The following SLC35F1 variants were observed in gnomAD, a reference collection of about 807,000 sequenced individuals.
The protein encoded by SLC35F1 is chromosome 6 open reading frame 169.
Under a neutral mutation model 48.7 loss-of-function variants are expected in SLC35F1, and 14 were observed. That is an observed-to-expected ratio of 0.29 (90% CI 0.19 to 0.45). The LOEUF (loss-of-function observed/expected upper bound fraction) is 0.45. Ranked by LOEUF, SLC35F1 falls within the 20% of genes least tolerant of loss-of-function variation. SLC35F1 has a pLI of 1.00. For synonymous variants in SLC35F1, 190 were observed against 202.2 expected (o/e 0.94, Z 0.51); for missense variants, 404 against 500.0 (o/e 0.81, Z 1.83).
chr6:118,197,175 T>A (rs1369770375), intron 2 of SLC35F1, among the ~76,000 whole-genome samples: 1 of 152,184 alleles, frequency 6.6e-6, no homozygotes, highest in African/African-American at 2.4e-5. Context: ...TGCCTAGCAA[T>A]TGAATCAGCT....
At chr6:118,279,038 A>G (rs557079633) in intron 6 of SLC35F1, among the ~76,000 whole-genome samples, 128 of 152,366 alleles carry the variant, frequency 8.4e-4, no homozygotes, top group Middle Eastern at 3.4e-3. Flanking sequence ...AACACATTAC[A>G]GAGCCATCCA....
chr6:118,254,013 G>A (rs1281139545), intron 3 of SLC35F1, among the ~76,000 whole-genome samples: 1 of 151,968 alleles, frequency 6.6e-6, no homozygotes, highest in African/African-American at 2.4e-5. Context: ...TGGGATAGCT[G>A]CTGGAGCAAA....
Position 118,290,616 on chromosome 6 carries a change from G to A in SLC35F1, c.1002+5278G>A, listed in dbSNP as rs191791447. On this transcript the variant is annotated intron_variant, in intron 7 of 7. Coordinates refer to ENST00000360388, the MANE Select transcript of SLC35F1 (RefSeq NM_001029858.4). ...TAAAAGGCTCTTCCAGGCAATGCTTGAATTTAAAATCAAGTAGTCATTGTT... is the reference window on the plus strand; with the variant it reads ...TAAAAGGCTCTTCCAGGCAATGCTTAAATTTAAAATCAAGTAGTCATTGTT... 2.5e-3 allele frequency among the ~76,000 whole-genome samples: 386 copies of A among 151,798 alleles called. 2 individuals carry two copies. The highest frequency in any genetic ancestry group is 9.0e-3 in the African/African-American group (374 of 41,430).
At chr6:117,999,107 T>A (rs1777046092) in intron 1 of SLC35F1, 1 of 1,574,626 alleles carries the variant, frequency 6.4e-7, no homozygotes, top group Middle Eastern at 1.7e-4. Flanking sequence ...GAACATGCGC[T>A]TTGCCAAGAA....
intron 1 of SLC35F1, among the ~76,000 whole-genome samples, chr6:118,127,190 AG>A (rs1562297710): frequency 6.6e-6 from 1 of 151,706 alleles, no homozygotes; most frequent in Admixed American, 6.6e-5. Context: ...TTTAGCATGA[AG>A]GGTTGTTGAA....
At chr6:118,119,036 T>A (rs1381947599) in intron 1 of SLC35F1, among the ~76,000 whole-genome samples, 1 of 152,086 alleles carries the variant, frequency 6.6e-6, no homozygotes, top group Non-Finnish European at 1.5e-5. Flanking sequence ...TCCTCCAAAT[T>A]TGCTTAAGGT....
intron 1 of SLC35F1, among the ~76,000 whole-genome samples, chr6:117,961,940 G>C (rs558777343): frequency 6.6e-6 from 1 of 152,284 alleles, no homozygotes; most frequent in East Asian, 1.9e-4. Flanking sequence ...ATGGTGGTAA[G>C]TTATATCAGA....
chr6:118,303,155 C>T (rs912953290), intron 7 of SLC35F1, among the ~76,000 whole-genome samples: 1 of 152,058 alleles, frequency 6.6e-6, no homozygotes, highest in Non-Finnish European at 1.5e-5. Context: ...TGCAAGGGAG[C>T]TCATTTTTCA....
At chr6:117,979,929 C>A (rs779228684) in intron 1 of SLC35F1, among the ~76,000 whole-genome samples, 1 of 152,206 alleles carries the variant, frequency 6.6e-6, no homozygotes, top group South Asian at 2.1e-4. Flanking sequence ...TTTCTCCTAA[C>A]TGTGCCAGCA....
chr6:118,111,308 A>C (rs1773396309), intron 1 of SLC35F1, among the ~76,000 whole-genome samples: 1 of 152,200 alleles, frequency 6.6e-6, no homozygotes, highest in Admixed American at 6.5e-5. Flanking sequence ...CACACTGCAG[A>C]AAACCAAAGA....
chr6:118,008,152 A>G (rs776807453), intron 1 of SLC35F1, among the ~76,000 whole-genome samples: 21 of 152,156 alleles, frequency 1.4e-4, no homozygotes, highest in Admixed American at 3.3e-4. Context: ...GAGATGATGT[A>G]TATCCCAATT....
intron 1 of SLC35F1, among the ~76,000 whole-genome samples, chr6:118,027,281 T>C (rs764835425): frequency 6.6e-6 from 1 of 152,114 alleles, no homozygotes; most frequent in East Asian, 1.9e-4. Flanking sequence ...TGGACATATG[T>C]TTTCTTTTCT....
At chr6:118,247,673 CA>C (rs1775525891) in intron 3 of SLC35F1, among the ~76,000 whole-genome samples, 2 of 147,592 alleles carry the variant, frequency 1.4e-5, no homozygotes, top group African/African-American at 5.4e-5. Flanking sequence ...AAGAGTGAAA[CA>C]CTTCTGTAGT....
At chr6:117,990,168 A>T (rs920230166) in intron 1 of SLC35F1, among the ~76,000 whole-genome samples, 1 of 152,204 alleles carries the variant, frequency 6.6e-6, no homozygotes, top group Non-Finnish European at 1.5e-5. Context: ...TATTAAAGGC[A>T]TCAGGTGAAG....
Position 118,317,438 on chromosome 6 carries a change from C to A in SLC35F1, c.*3186C>A, listed in dbSNP as rs1289961686. 5 of 152,070 alleles carry A rather than the reference C, an allele frequency of 3.3e-5. No individual in the cohort carries two copies. The highest frequency in any genetic ancestry group is 2.0e-4 in the Admixed American group (3 of 15,280). The allele number at this position is 152,070 out of a possible 1,614,324, so 9.4% of individuals were successfully genotyped here. ...TTTATAACTATTTAGTAGTCCCCAGCTAGCTACCAGTACAGATTTTACCCC... is the reference window on the plus strand; with the variant it reads ...TTTATAACTATTTAGTAGTCCCCAGATAGCTACCAGTACAGATTTTACCCC... On this transcript the variant is annotated 3_prime_UTR_variant, in exon 8 of 8. Transcript: ENST00000360388.
At chr6:117,986,279 G>T (rs1329547835) in intron 1 of SLC35F1, among the ~76,000 whole-genome samples, 1 of 152,066 alleles carries the variant, frequency 6.6e-6, no homozygotes, top group Non-Finnish European at 1.5e-5. Flanking sequence ...TTTAAACATG[G>T]CCATCAGAGA....
rs578119883 is a variant in SLC35F1, at chr6:118,141,366, G to A, written c.174-13079G>A. 1.2e-3 allele frequency among the ~76,000 whole-genome samples: 181 copies of A among 152,250 alleles called. 2 individuals carry two copies. The South Asian group carries it at 0.015, about 13-fold the overall frequency. Reference sequence around the variant, plus strand: ...GAGCAATAGTATAGGTGTGTAGTAGGCTATACCATCTAGGTTTGCGTAAGT... The same window carrying A: ...GAGCAATAGTATAGGTGTGTAGTAGACTATACCATCTAGGTTTGCGTAAGT... On this transcript the variant is annotated intron_variant, in intron 1 of 7. Coordinates refer to ENST00000360388, the MANE Select transcript of SLC35F1 (RefSeq NM_001029858.4).
intron 7 of SLC35F1, among the ~76,000 whole-genome samples, chr6:118,298,545 G>A (rs1299180842): frequency 6.6e-6 from 1 of 152,050 alleles, no homozygotes; most frequent in African/African-American, 2.4e-5. Flanking sequence ...AGTACATAAT[G>A]GTTTCTATTC....
intron 2 of SLC35F1, among the ~76,000 whole-genome samples, chr6:118,230,755 G>A (rs886082235): frequency 5.9e-5 from 9 of 152,158 alleles, no homozygotes; most frequent in South Asian, 2.1e-4. Context: ...AGGCCAAGGC[G>A]GGTGGATTCT....
Sources: allele counts gnomAD v4.1 joint callset (sites outside exome capture counted in the v4.1 genomes callset), GRCh38; gene constraint gnomAD v4.1.1; transcripts MANE v1.5; gene names NCBI Gene and HGNC (gene_info 2026-07-23, HGNC 2026-07-21).